PCBP2: variants seen among roughly 807,000 people sequenced by gnomAD.
PCBP2 encodes poly(rC)-binding protein 2.
PCBP2 carries 4 observed loss-of-function variants against 50.1 expected under a neutral mutation model. The ratio of observed to expected loss-of-function variants is 0.08; its 90% CI spans 0.04 to 0.18. PCBP2 has a LOEUF of 0.18. PCBP2 is among the 10% of genes least tolerant of loss of function. The pLI is 1.00. For missense variants in PCBP2, 161 were observed against 474.3 expected (o/e 0.34, Z 6.14); for synonymous variants, 179 against 168.0 (o/e 1.07, Z -0.51).
At chr12:53,455,797 C>A in intron 4 of PCBP2, 88 bp from the exon 5 acceptor site, 3 of 873,142 alleles carry the variant, frequency 3.4e-6, no homozygotes, top group South Asian at 2.9e-5. Context: ...GGATCATGTA[C>A]ATTGGCAGTC....
intron 12 of PCBP2, chr12:53,468,079 T>C (rs2137079783): frequency 2.0e-6 from 1 of 508,978 alleles, no homozygotes; most frequent in East Asian, 3.0e-5. Context: ...GCTTGAGTGT[T>C]AGCCAGCTGG....
chr12:53,475,806 G>T (rs549735090), intron 14 of PCBP2: 13 of 152,176 alleles, frequency 8.5e-5, no homozygotes, highest in Admixed American at 2.0e-4. Flanking sequence ...TAACGAGTCT[G>T]TGGCAGTTTA....
chr12:53,478,391 G>T (rs1942794475), intron 14 of PCBP2, among the ~76,000 whole-genome samples: 1 of 152,040 alleles, frequency 6.6e-6, no homozygotes, highest in South Asian at 2.1e-4. Context: ...GCCTGGAATT[G>T]CAGCTACTCA....
At chr12:53,467,766 A>T in intron 11 of PCBP2, 39 bp from the exon 12 acceptor site, 1 of 1,562,674 alleles carries the variant, frequency 6.4e-7, no homozygotes. Flanking sequence ...TAGGGTTAGG[A>T]TGAGACCACC....
At chr12:53,469,862 C>T (rs1410625357) in intron 13 of PCBP2, among the ~76,000 whole-genome samples, 2 of 151,078 alleles carry the variant, frequency 1.3e-5, no homozygotes, top group African/African-American at 4.9e-5. Flanking sequence ...CTGCCCCAGC[C>T]TCCCGAGTAG....
intron 5 of PCBP2, among the ~76,000 whole-genome samples, chr12:53,458,409 G>A (rs1344417311): frequency 3.3e-5 from 5 of 151,618 alleles, no homozygotes; most frequent in African/African-American, 1.2e-4. Context: ...GGATTCAAGC[G>A]ATTCTCCTGC....
chr12:53,477,209 A>G (rs1339399645), intron 14 of PCBP2, among the ~76,000 whole-genome samples: 2 of 152,076 alleles, frequency 1.3e-5, no homozygotes, highest in Admixed American at 1.3e-4. Context: ...GCTACCACCA[A>G]TTTTTATGAA....
intron 13 of PCBP2, among the ~76,000 whole-genome samples, chr12:53,471,172 G>T (rs948612020): frequency 3.3e-5 from 5 of 152,010 alleles, no homozygotes; most frequent in African/African-American, 1.2e-4. Flanking sequence ...GTATACACCT[G>T]TAATCCCAGG....
intron 2 of PCBP2, 75 bp from the exon 3 acceptor site, chr12:53,455,270 AAG>A (rs1234659580): frequency 7.2e-7 from 1 of 1,387,080 alleles, no homozygotes; most frequent in African/African-American, 1.5e-5. Context: ...CATGTAGAAA[AAG>A]GAAAAATAAA....
intron 14 of PCBP2, 65 bp from the exon 15 acceptor site, chr12:53,479,341 C>A: frequency 7.3e-7 from 1 of 1,371,394 alleles, no homozygotes; most frequent in Non-Finnish European, 1.0e-6. Context: ...TTTCATGAAC[C>A]AGGTAGAGAT....
At chr12:53,456,294 C>T (rs1941003399) in intron 5 of PCBP2, among the ~76,000 whole-genome samples, 2 of 151,878 alleles carry the variant, frequency 1.3e-5, no homozygotes, top group Non-Finnish European at 2.9e-5. Flanking sequence ...CTCGTCTCTA[C>T]TAAAAATACA....
chr12:53,477,683 A>AAC (rs1715352892), intron 14 of PCBP2, among the ~76,000 whole-genome samples: 2 of 149,426 alleles, frequency 1.3e-5, no homozygotes, highest in African/African-American at 2.5e-5. Context: ...AAAAAAAAAA[A>AAC]AAAAAAAAAA....
chr12:53,469,361 A>G (rs994440749), intron 13 of PCBP2, among the ~76,000 whole-genome samples: 2 of 152,216 alleles, frequency 1.3e-5, no homozygotes, highest in Non-Finnish European at 2.9e-5. Context: ...GATGACAAAT[A>G]TGATAAGAGA....
intron 2 of PCBP2, 80 bp from the exon 3 acceptor site, chr12:53,455,267 A>G (rs1054320667): frequency 2.2e-6 from 3 of 1,370,730 alleles, no homozygotes; most frequent in African/African-American, 3.0e-5. Flanking sequence ...GAACATGTAG[A>G]AAAAGGAAAA....
chr12:53,462,715 C>G (rs1002913783), intron 8 of PCBP2, 148 bp downstream of exon 8: 8 of 585,040 alleles, frequency 1.4e-5, no homozygotes, highest in Admixed American at 3.3e-5. Context: ...TATTTTTGTA[C>G]TGGAGAAAGC....
intron 12 of PCBP2, chr12:53,468,200 A>G (rs1478151820): frequency 8.8e-6 from 2 of 226,218 alleles, no homozygotes; most frequent in Non-Finnish European, 1.7e-5. Context: ...AAAATTATTG[A>G]ACAAAAGACA....
chr12:53,463,334 T>G lies in PCBP2; in HGVS notation c.579+767T>G, dbSNP rs527556903. Among the ~76,000 whole-genome samples, 5 of 152,286 alleles carry G rather than the reference T, an allele frequency of 3.3e-5. No homozygotes were observed. In the East Asian group the frequency reaches 9.6e-4, roughly 29 times the overall value. On this transcript the variant is annotated intron_variant, in intron 8 of 14. Transcript: ENST00000546463. Reference sequence around the variant, plus strand: ...GACCATGGTAGTCCTATGCTCTGATTGTATTTGAGGAGTAGGTAGATCAGG... The same window carrying G: ...GACCATGGTAGTCCTATGCTCTGATGGTATTTGAGGAGTAGGTAGATCAGG...
At chr12:53,459,228 A>G (rs1263543614) in intron 5 of PCBP2, 44 bp from the exon 6 acceptor site, 2 of 1,529,684 alleles carry the variant, frequency 1.3e-6, no homozygotes, top group African/African-American at 2.8e-5. Context: ...GGCAGTTACT[A>G]GTTTCCAGGG....
chr12:53,473,763 GT>G (rs34942612), intron 14 of PCBP2, among the ~76,000 whole-genome samples: 19,539 of 144,836 alleles, frequency 0.13, 1,429 homozygotes, highest in Non-Finnish European at 0.18. Flanking sequence ...AAGTCAAAGG[GT>G]TTTTTTTTTT....
Sources: gnomAD v4.1 joint callset for allele counts (sites outside exome capture counted in the v4.1 genomes callset) on GRCh38, gnomAD v4.1.1 for gene constraint, MANE v1.5 for transcripts, NCBI Gene and HGNC (gene_info 2026-07-23, HGNC 2026-07-21) for gene names.